Variants in PIEZO1 observed in about 807,000 individuals in gnomAD.
The protein encoded by PIEZO1 is piezo-type mechanosensitive ion channel component 1.
In PIEZO1, 296 loss-of-function variants were observed where a neutral mutation model predicts 297.2. That is an observed-to-expected ratio of 1.00 (90% CI 0.91 to 1.10). PIEZO1 has a LOEUF of 1.10. Among genes scored for constraint, PIEZO1 ranks in the 50% least tolerant of loss-of-function variants. PIEZO1 has a pLI of 0.00. For missense variants in PIEZO1, 5,018 were observed against 3,455.5 expected, an observed-to-expected ratio of 1.45 and a Z score of -11.34; for synonymous variants, 2,427 against 1,507.5, an observed-to-expected ratio of 1.61 and a Z score of -14.13.
rs1904920064 is a variant in PIEZO1, at chr16:88,732,427, A to T, written c.2899T>A (p.Phe967Ile). ...QLAPLPAQAV[F>I]ASGTRQQLDQ... ...AGCTGCTGGCGGGTGCCGCTGGCAA[A>T]CACGGCCTGGGCAGGCAGCGGGGCC... The change falls in exon 21 of 51, where the codon TTT becomes ATT. Residue 967 changes from phenylalanine (F) to isoleucine (I), a missense_variant. Transcript: ENST00000301015. 1 of 1,549,732 alleles carries T rather than the reference A, an allele frequency of 6.5e-7. No homozygotes were observed. Among genetic ancestry groups the T allele is most frequent in the Non-Finnish European group, 8.7e-7 (1 of 1,146,518 alleles).
chr16:88,741,273 A>G (rs1905634845), intron 5 of PIEZO1: 2 of 530,000 alleles, frequency 3.8e-6, no homozygotes, highest in Admixed American at 3.4e-5. Flanking sequence ...GACTAGAGGC[A>G]GAGCCCGAGT....
intron 1 of PIEZO1, among the ~76,000 whole-genome samples, chr16:88,757,319 C>CGGGGGGGG (rs1221139366): frequency 9.8e-5 from 1 of 10,224 alleles, no homozygotes; most frequent in Non-Finnish European, 1.9e-4. Flanking sequence ...GCGTTGCTGG[C>CGGGGGGGG]GGGGGGGTGG....
chr16:88,769,759 G>A (rs1482520455), intron 1 of PIEZO1, among the ~76,000 whole-genome samples: 1 of 152,026 alleles, frequency 6.6e-6, no homozygotes, highest in African/African-American at 2.4e-5. Context: ...TGTAGCTCTG[G>A]TGGGCGGAGC....
At position 88,727,267 on chromosome 16, in the gene PIEZO1, C is replaced by G. The variant is rs185402105; in HGVS notation, c.3302-75G>C. On this transcript the variant is annotated intron_variant, in intron 23 of 50. Transcript: ENST00000301015. ...TGGGCACGGCGCATAAATCCCACCTCCCACCCCAGGCCTGTCGGCGTGCAG... is the reference window on the plus strand; with the variant it reads ...TGGGCACGGCGCATAAATCCCACCTGCCACCCCAGGCCTGTCGGCGTGCAG... 6.8e-4 allele frequency: 977 copies of G among 1,426,824 alleles called. 13 individuals are homozygous for G. In the African/African-American group the frequency reaches 0.013, roughly 18 times the overall value. The allele number at this position is 1,426,824 out of a possible 1,614,324, so 88.4% of individuals were successfully genotyped here.
chr16:88,717,868 C>G (rs986633882), intron 44 of PIEZO1: 1 of 424,906 alleles, frequency 2.4e-6, no homozygotes, highest in Non-Finnish European at 4.6e-6. Context: ...TGTGGCGGCT[C>G]ACACTTGTCA....
intron 2 of PIEZO1, among the ~76,000 whole-genome samples, chr16:88,744,799 C>T (rs911481250): frequency 1.3e-5 from 2 of 152,008 alleles, no homozygotes; most frequent in Admixed American, 1.3e-4. Context: ...CCACGTGGCA[C>T]GCCCGCTCCC....
intron 1 of PIEZO1, among the ~76,000 whole-genome samples, chr16:88,754,775 C>G (rs1490051765): frequency 6.6e-6 from 1 of 152,326 alleles, no homozygotes; most frequent in East Asian, 1.9e-4. Context: ...CAGCGCTGGC[C>G]GAGAGCAGGA....
chr16:88,716,048 G>A lies in PIEZO1; in HGVS notation c.7201C>T (p.Leu2401Phe), dbSNP rs897339768. ...TGCAGCTCGATGACCCACCATTCGA[G>A]GAAGCCGGTGGCCCCCGCACCCTGC... ...REQGAGATGF[L>F]EWWVIELQEC... Residue 2401 changes from leucine to phenylalanine, a missense_variant, in exon 50 of 51, where the codon CTC becomes TTC. Transcript: ENST00000301015. 5 of 1,550,120 alleles carry A rather than the reference G, an allele frequency of 3.2e-6. No homozygotes were observed. The Admixed American group carries it at 5.9e-5, about 18-fold the overall frequency.
chr16:88,744,936 G>A (rs1435036209), intron 2 of PIEZO1, among the ~76,000 whole-genome samples: 1 of 152,082 alleles, frequency 6.6e-6, no homozygotes, highest in Admixed American at 6.6e-5. Flanking sequence ...CACGGGGCGG[G>A]GAGCGGGGAG....
intron 22 of PIEZO1, among the ~76,000 whole-genome samples, chr16:88,729,358 G>T (rs369227144): frequency 3.6e-4 from 21 of 58,868 alleles, no homozygotes; most frequent in South Asian, 9.0e-4. Context: ...CCCAGGACAT[G>T]CTGAACCCAC....
chr16:88,732,325 C>T lies in PIEZO1; in HGVS notation c.2991+10G>A, dbSNP rs1365595093. 3.2e-6 allele frequency: 5 copies of T among 1,545,416 alleles called. No homozygotes were observed. Among genetic ancestry groups the T allele is most frequent in the South Asian group, 1.2e-5 (1 of 83,846 alleles). On this transcript the variant is annotated intron_variant, in intron 21 of 50. Coordinates refer to ENST00000301015, the MANE Select transcript of PIEZO1 (RefSeq NM_001142864.4). Reference sequence around the variant, plus strand: ...CCCTGCCCCAGGGGGAGGCAATGTCCTTGCCTCACCTCCAGCCCGAATTTG... The same window carrying T: ...CCCTGCCCCAGGGGGAGGCAATGTCTTTGCCTCACCTCCAGCCCGAATTTG...
chr16:88,736,361 GAGC>G lies in PIEZO1; in HGVS notation c.1341_1343del (p.Leu448del). The stretch of plus-strand genomic sequence containing the variant: ...GCACCGTCCAGATGAGGCAGGCCCA[GAGC>G]AGCAGTACGAAGGTCAGCCAGCTGT... On this transcript the variant is annotated inframe_deletion, in exon 12 of 51. Transcript: ENST00000301015. 2 of 1,550,008 alleles carry G rather than the reference GAGC, an allele frequency of 1.3e-6. No individual in the cohort carries two copies. The highest frequency in any genetic ancestry group is 1.7e-6 in the Non-Finnish European group (2 of 1,146,816).
intron 1 of PIEZO1, among the ~76,000 whole-genome samples, chr16:88,757,024 C>T (rs534162721): frequency 6.6e-6 from 1 of 150,750 alleles, no homozygotes; most frequent in Non-Finnish European, 1.5e-5. Context: ...TGCAGTGAGC[C>T]GAGATCAGGA....
chr16:88,755,716 C>T (rs892429533), intron 1 of PIEZO1, among the ~76,000 whole-genome samples: 6 of 152,248 alleles, frequency 3.9e-5, no homozygotes, highest in African/African-American at 1.4e-4. Context: ...TCAAAGCTCC[C>T]ATCTCCAAAG....
rs566831029 is a variant in PIEZO1, at chr16:88,746,931, C to T, written c.160+2453G>A. Among the ~76,000 whole-genome samples the T allele has an allele frequency of 1.8e-4, 28 of 152,278 alleles. No individual in the cohort carries two copies. The South Asian group carries it at 5.4e-3, about 29-fold the overall frequency. ...CAAAGGGGAGGCCCAGGATAGGGAC[C>T]GGGAGTGGGGGTGCCCACCCACCCC... On this transcript the variant is annotated intron_variant, in intron 2 of 50. Transcript: ENST00000301015.
chr16:88,769,569 G>A (rs1200431060), intron 1 of PIEZO1, among the ~76,000 whole-genome samples: 1 of 152,200 alleles, frequency 6.6e-6, no homozygotes, highest in Non-Finnish European at 1.5e-5. Flanking sequence ...CACTGCACAT[G>A]ACCGGAGCCC....
At chr16:88,762,699 G>A (rs1906988529) in intron 1 of PIEZO1, among the ~76,000 whole-genome samples, 1 of 152,246 alleles carries the variant, frequency 6.6e-6, no homozygotes, top group African/African-American at 2.4e-5. Flanking sequence ...GTGCCAGGAA[G>A]TGGCTTCTGT....
At chr16:88,749,681 C>T (rs973708469) in intron 1 of PIEZO1, among the ~76,000 whole-genome samples, 7 of 152,234 alleles carry the variant, frequency 4.6e-5, no homozygotes, top group East Asian at 3.8e-4. Context: ...AGCCTCCCAG[C>T]GGGGCGCTGG....
At chr16:88,723,442 G>A (rs1438510780) in intron 31 of PIEZO1, 114 bp from the exon 32 acceptor site, 2 of 1,240,416 alleles carry the variant, frequency 1.6e-6, no homozygotes, top group African/African-American at 1.5e-5. Flanking sequence ...GTGTCTCCCA[G>A]GGACCTCCGT....
Sources: gnomAD v4.1 joint callset for allele counts (sites outside exome capture counted in the v4.1 genomes callset) on GRCh38, gnomAD v4.1.1 for gene constraint, MANE v1.5 for transcripts, NCBI Gene and HGNC (gene_info 2026-07-23, HGNC 2026-07-21) for gene names.